PLPPR1: variants seen among roughly 807,000 people sequenced by gnomAD.
PLPPR1 encodes phospholipid phosphatase-related protein type 1.
Under a neutral mutation model 33.1 loss-of-function variants are expected in PLPPR1, and 10 were observed. The ratio of observed to expected loss-of-function variants is 0.30; its 90% CI spans 0.19 to 0.51. PLPPR1 has a LOEUF of 0.51. PLPPR1 is among the 20% of genes least tolerant of loss of function. The probability of loss-of-function intolerance (pLI) is 0.97; values close to 1 mark genes in which losing one functional copy is unlikely to be tolerated. For missense variants in PLPPR1, 304 were observed against 408.1 expected (o/e 0.74, Z 2.20); for synonymous variants, 151 against 151.0 (o/e 1.00, Z 0.00).
chr9:101,319,462 G>A (rs960907276), intron 7 of PLPPR1, among the ~76,000 whole-genome samples: 8 of 152,152 alleles, frequency 5.3e-5, no homozygotes, highest in African/African-American at 1.2e-4. Flanking sequence ...TTTTGAGGGC[G>A]GGGCTTGGGG....
intron 2 of PLPPR1, among the ~76,000 whole-genome samples, chr9:101,186,190 A>G (rs1053722122): frequency 3.3e-5 from 5 of 151,806 alleles, no homozygotes; most frequent in African/African-American, 1.2e-4. Context: ...TATGTTTGCT[A>G]TAGAGGAGAC....
At chr9:101,110,310 G>A (rs1185314213) in intron 1 of PLPPR1, among the ~76,000 whole-genome samples, 1 of 152,130 alleles carries the variant, frequency 6.6e-6, no homozygotes, top group East Asian at 1.9e-4. Flanking sequence ...AGCTTGCAGA[G>A]TGACAAGGAT....
intron 1 of PLPPR1, among the ~76,000 whole-genome samples, chr9:101,151,968 G>T (rs542985580): frequency 6.6e-6 from 1 of 152,096 alleles, no homozygotes; most frequent in African/African-American, 2.4e-5. Context: ...TTGAGGAATC[G>T]CCACACTGTC....
chr9:101,289,059 C>T (rs1419740906), intron 4 of PLPPR1, among the ~76,000 whole-genome samples: 1 of 152,216 alleles, frequency 6.6e-6, no homozygotes, highest in Non-Finnish European at 1.5e-5. Flanking sequence ...CGAGCCACTC[C>T]CTTGTGAGGC....
intron 1 of PLPPR1, among the ~76,000 whole-genome samples, chr9:101,036,022 C>G (rs1441135714): frequency 6.6e-6 from 1 of 152,112 alleles, no homozygotes; most frequent in Non-Finnish European, 1.5e-5. Context: ...TGGTTCCTGA[C>G]TTTATTTAAA....
intron 3 of PLPPR1, among the ~76,000 whole-genome samples, chr9:101,284,523 AATG>A (rs1227834708): frequency 6.6e-6 from 1 of 152,196 alleles, no homozygotes; most frequent in African/African-American, 2.4e-5. Flanking sequence ...GTACCACAAA[AATG>A]ATAACTATGT....
intron 1 of PLPPR1, among the ~76,000 whole-genome samples, chr9:101,175,606 G>T (rs749731343): frequency 1.3e-5 from 2 of 152,096 alleles, no homozygotes; most frequent in Non-Finnish European, 2.9e-5. Context: ...CTTGATATCT[G>T]TTAGCCCATA....
chr9:101,189,068 AAT>A (rs1457542896), intron 2 of PLPPR1, among the ~76,000 whole-genome samples: 1 of 152,008 alleles, frequency 6.6e-6, no homozygotes, highest in Non-Finnish European at 1.5e-5. Flanking sequence ...TTGTGAGCTA[AAT>A]ATGAGTGACC....
chr9:101,309,123 A>T, intron 4 of PLPPR1, 88 bp from the exon 5 acceptor site: 1 of 1,360,972 alleles, frequency 7.3e-7, no homozygotes, highest in Non-Finnish European at 1.0e-6. Flanking sequence ...ATAGGTCATC[A>T]TGGACTCTCA....
chr9:101,324,138 A>G lies in PLPPR1; in HGVS notation c.*81A>G. On this transcript the variant is annotated 3_prime_UTR_variant, in exon 8 of 8. Transcript: ENST00000374874. ...AAAACACACAGTTGCTCAATGTCAAACTGTGATGACAAATATTACGTTTAT... is the reference window on the plus strand; with the variant it reads ...AAAACACACAGTTGCTCAATGTCAAGCTGTGATGACAAATATTACGTTTAT... The G allele has an allele frequency of 8.6e-7, 1 of 1,169,360 alleles. No individual in the cohort carries two copies. Among genetic ancestry groups the G allele is most frequent in the Non-Finnish European group, 1.3e-6 (1 of 790,496 alleles). The allele number at this position is 1,169,360 out of a possible 1,614,324, so 72.4% of individuals were successfully genotyped here.
At chr9:101,171,228 C>A (rs1825937320) in intron 1 of PLPPR1, among the ~76,000 whole-genome samples, 1 of 152,000 alleles carries the variant, frequency 6.6e-6, no homozygotes, top group African/African-American at 2.4e-5. Flanking sequence ...TTGTGATGCA[C>A]CAGATTTAAG....
intron 1 of PLPPR1, among the ~76,000 whole-genome samples, chr9:101,108,913 A>C (rs1831013130): frequency 1.3e-5 from 2 of 151,780 alleles, no homozygotes; most frequent in South Asian, 4.1e-4. Context: ...AATATAGTAA[A>C]GACTGATATA....
intron 2 of PLPPR1, among the ~76,000 whole-genome samples, chr9:101,186,871 G>A (rs542919239): frequency 5.9e-5 from 9 of 151,930 alleles, no homozygotes; most frequent in African/African-American, 1.7e-4. Context: ...TAATATAAGC[G>A]AAGTTACATA....
chr9:101,199,915 A>G (rs1488519436), intron 2 of PLPPR1, among the ~76,000 whole-genome samples: 1 of 152,162 alleles, frequency 6.6e-6, no homozygotes, highest in African/African-American at 2.4e-5. Flanking sequence ...ATAAGTTTTC[A>G]GGTCATTCCA....
intron 2 of PLPPR1, among the ~76,000 whole-genome samples, chr9:101,237,990 T>C (rs903596158): frequency 3.8e-4 from 52 of 136,380 alleles, no homozygotes; most frequent in Middle Eastern, 0.011. Flanking sequence ...TATATATATA[T>C]ATATATATAT....
intron 1 of PLPPR1, among the ~76,000 whole-genome samples, chr9:101,057,007 C>T (rs1382989869): frequency 2.0e-5 from 3 of 152,240 alleles, no homozygotes; most frequent in Admixed American, 2.0e-4. Context: ...GTGTCCCCAG[C>T]CCAGCTTTCC....
chr9:101,202,426 A>G (rs1270522008), intron 2 of PLPPR1, among the ~76,000 whole-genome samples: 1 of 152,138 alleles, frequency 6.6e-6, no homozygotes, highest in Non-Finnish European at 1.5e-5. Flanking sequence ...AAGTCTAGTT[A>G]TCCCTCCCTG....
chr9:101,150,753 T>C (rs1202703818), intron 1 of PLPPR1, among the ~76,000 whole-genome samples: 2 of 152,214 alleles, frequency 1.3e-5, no homozygotes, highest in African/African-American at 2.4e-5. Context: ...GAAGAGCCAC[T>C]CGGCTTGTTT....
chr9:101,048,490 G>C (rs1044881143), intron 1 of PLPPR1, among the ~76,000 whole-genome samples: 1 of 152,144 alleles, frequency 6.6e-6, no homozygotes, highest in African/African-American at 2.4e-5. Context: ...CAAGATATCA[G>C]AGAAGAATAC....
Sources: allele counts gnomAD v4.1 joint callset (sites outside exome capture counted in the v4.1 genomes callset), GRCh38; gene constraint gnomAD v4.1.1; transcripts MANE v1.5; gene names NCBI Gene and HGNC (gene_info 2026-07-23, HGNC 2026-07-21).